Variants in MAST4 observed in about 807,000 individuals in gnomAD.
MAST4 encodes microtubule-associated serine/threonine-protein kinase 4.
A neutral mutation model predicts 162.7 loss-of-function variants in MAST4; 89 were observed. The observed-to-expected ratio is 0.55, with a 90% CI of 0.46 to 0.65. The LOEUF (loss-of-function observed/expected upper bound fraction) is 0.65. MAST4 is among the 30% of genes least tolerant of loss of function. MAST4 has a pLI of 0.00. For synonymous variants in MAST4, 1,479 were observed against 1,361.1 expected, an observed-to-expected ratio of 1.09 and a Z score of -1.91; for missense variants, 3,153 against 3,374.0, an observed-to-expected ratio of 0.93 and a Z score of 1.62.
intron 3 of MAST4, among the ~76,000 whole-genome samples, chr5:66,849,716 C>G (rs1759162798): frequency 1.3e-5 from 2 of 152,148 alleles, no homozygotes; most frequent in African/African-American, 2.4e-5. Flanking sequence ...TTGTCTTGCC[C>G]CCGTTACATC....
chr5:66,791,734 T>A (rs1755419113), intron 3 of MAST4, among the ~76,000 whole-genome samples: 1 of 152,222 alleles, frequency 6.6e-6, no homozygotes, highest in African/African-American at 2.4e-5. Context: ...AGTCATTTAC[T>A]ACTAGATAGT....
chr5:66,703,452 T>C (rs1749911348), intron 1 of MAST4, among the ~76,000 whole-genome samples: 1 of 151,974 alleles, frequency 6.6e-6, no homozygotes, highest in Non-Finnish European at 1.5e-5. Context: ...GGTGGGAGCA[T>C]GGGGGTGTAG....
Position 66,596,894 on chromosome 5 carries a change from C to T in MAST4, c.239C>T (p.Ala80Val). Residue 80 changes from alanine to valine, a missense_variant, in exon 1 of 29, where the codon GCG (alanine) becomes GTG (valine). Physicochemically the swap from Ala to Val is moderately conservative, Grantham distance 64 (BLOSUM62 0). Transcript: ENST00000403625. ...GGTLGARAPAAWAPASVLLER... is the reference protein window; with the variant it reads ...GGTLGARAPAVWAPASVLLER... ...ACCCTGGGCGCCCGGGCGCCCGCCG[C>T]GTGGGCTCCGGCAAGCGTGCTGCTG... The T allele has an allele frequency of 7.8e-7, 1 of 1,282,676 alleles. No individual in the cohort carries two copies. The highest frequency in any genetic ancestry group is 2.6e-5 in the South Asian group (1 of 38,040). 79.5% of individuals were successfully genotyped at this position (1,282,676 alleles called of 1,614,324 possible). A position where few individuals can be genotyped will look rare whatever the true frequency, so the allele number is the denominator to read the frequency against.
intron 4 of MAST4, among the ~76,000 whole-genome samples, chr5:66,923,526 G>A (rs781562061): frequency 7.9e-5 from 12 of 152,206 alleles, no homozygotes; most frequent in Non-Finnish European, 1.8e-4. Flanking sequence ...CTTTCTGTAG[G>A]TAGAAGTTTC....
chr5:66,864,971 G>A (rs537727855), intron 3 of MAST4, among the ~76,000 whole-genome samples: 2 of 117,330 alleles, frequency 1.7e-5, no homozygotes, highest in East Asian at 4.9e-4. Context: ...AAAACCGGTA[G>A]GATTTGCCGA....
chr5:67,003,298 G>C (rs1184899280), intron 4 of MAST4, among the ~76,000 whole-genome samples: 2 of 152,066 alleles, frequency 1.3e-5, no homozygotes, highest in African/African-American at 4.8e-5. Flanking sequence ...GATCTGTGGA[G>C]GCTCTGTAAG....
intron 3 of MAST4, among the ~76,000 whole-genome samples, chr5:66,799,759 T>C (rs769203114): frequency 3.9e-5 from 6 of 152,206 alleles, no homozygotes; most frequent in African/African-American, 9.6e-5. Flanking sequence ...TTAATTGTTA[T>C]AGGCAGTTTA....
chr5:67,073,454 G>C (rs116564293), intron 5 of MAST4, among the ~76,000 whole-genome samples: 1 of 152,176 alleles, frequency 6.6e-6, no homozygotes, highest in African/African-American at 2.4e-5. Flanking sequence ...GGCAGGACTC[G>C]GCTCACGATA....
intron 23 of MAST4, among the ~76,000 whole-genome samples, chr5:67,148,733 C>T (rs1771406183): frequency 6.6e-6 from 1 of 152,100 alleles, no homozygotes; most frequent in Admixed American, 6.6e-5. Flanking sequence ...GAGTAATATC[C>T]TTTGTCTTGC....
chr5:67,008,788 C>G (rs114620975), intron 4 of MAST4, among the ~76,000 whole-genome samples: 2,175 of 152,270 alleles, frequency 0.014, 38 homozygotes, highest in African/African-American at 0.037. Context: ...ATTCACATTA[C>G]TCAGTAATTG....
chr5:66,599,038 A>G (rs1337995011), intron 1 of MAST4, among the ~76,000 whole-genome samples: 1 of 152,226 alleles, frequency 6.6e-6, no homozygotes, highest in African/African-American at 2.4e-5. Context: ...CAGTATTGCA[A>G]TTTATTATGT....
chr5:66,788,849 A>C (rs531247069), intron 3 of MAST4, 55 bp downstream of exon 3: 1 of 1,477,236 alleles, frequency 6.8e-7, no homozygotes, highest in African/African-American at 1.4e-5. Flanking sequence ...CTCTCTAGGG[A>C]CAATTTAAGT....
rs146436549 is a variant in MAST4, at chr5:67,038,742, A to G, written c.675-15662A>G. On this transcript the variant is annotated intron_variant, in intron 4 of 28. Coordinates refer to ENST00000403625, the MANE Select transcript of MAST4 (RefSeq NM_001164664.2). ...GTGCTCATGTGATTTTTTTTAAAAAATAAAATGAAAATGATTTCTTATTAT... is the reference window on the plus strand; with the variant it reads ...GTGCTCATGTGATTTTTTTTAAAAAGTAAAATGAAAATGATTTCTTATTAT... Among the ~76,000 whole-genome samples the G allele has an allele frequency of 1.7e-4, 26 of 152,326 alleles. 1 individual carries two copies. Among genetic ancestry groups the G allele is most frequent in the African/African-American group, 6.0e-4 (25 of 41,574 alleles).
rs562012857 is a variant in MAST4 at position 66,685,669 on chromosome 5, G to C, written c.364-74040G>C. On this transcript the variant is annotated intron_variant, in intron 1 of 28. Transcript: ENST00000403625. The stretch of plus-strand genomic sequence containing the variant: ...AGTTTGTCCTTTGAGTCGTCTCGGG[G>C]AACCATGTTTAGGAGAGAGAGCTTA... Among the ~76,000 whole-genome samples the C allele has an allele frequency of 3.9e-5, 6 of 152,236 alleles. No homozygotes were observed. The East Asian group carries it at 1.2e-3, about 29-fold the overall frequency.
intron 4 of MAST4, among the ~76,000 whole-genome samples, chr5:67,045,376 T>G (rs564676186): frequency 6.6e-6 from 1 of 152,346 alleles, no homozygotes; most frequent in East Asian, 1.9e-4. Flanking sequence ...GTGCTAATAC[T>G]ATGACATCAG....
chr5:67,021,710 G>A (rs1195257249), intron 4 of MAST4, among the ~76,000 whole-genome samples: 1 of 152,196 alleles, frequency 6.6e-6, no homozygotes, highest in Admixed American at 6.5e-5. Context: ...GTGGTAGAAT[G>A]TGCCAGGTGA....
At chr5:67,080,755 T>G (rs1172541539) in intron 5 of MAST4, among the ~76,000 whole-genome samples, 1 of 151,042 alleles carries the variant, frequency 6.6e-6, no homozygotes, top group African/African-American at 2.4e-5. Flanking sequence ...TAATATTACA[T>G]GGACCGTATA....
intron 1 of MAST4, among the ~76,000 whole-genome samples, chr5:66,671,505 G>C (rs1235383908): frequency 6.6e-6 from 1 of 152,188 alleles, no homozygotes; most frequent in Non-Finnish European, 1.5e-5. Flanking sequence ...TAAGCTGCAA[G>C]AGTATCTGGG....
At chr5:66,999,158 G>A (rs934214190) in intron 4 of MAST4, among the ~76,000 whole-genome samples, 11 of 152,180 alleles carry the variant, frequency 7.2e-5, no homozygotes, top group African/African-American at 2.4e-4. Context: ...TCTTTTGCAT[G>A]ACCCCTTCAT....
Sources: gnomAD v4.1 joint callset for allele counts (sites outside exome capture counted in the v4.1 genomes callset) on GRCh38, gnomAD v4.1.1 for gene constraint, MANE v1.5 for transcripts, NCBI Gene and HGNC (gene_info 2026-07-23, HGNC 2026-07-21) for gene names.